WWOX: variants seen among roughly 807,000 people sequenced by gnomAD.
The protein encoded by WWOX is WW domain containing oxidoreductase, also known as WW domain-containing oxidoreductase.
A neutral mutation model predicts 46.2 loss-of-function variants in WWOX; 69 were observed. The ratio of observed to expected loss-of-function variants is 1.49; its 90% CI spans 1.23 to 1.82. WWOX has a LOEUF of 1.82. Ranked by LOEUF, WWOX falls within the 40% of genes most tolerant of loss-of-function variation. The pLI, the probability that WWOX is intolerant of heterozygous loss-of-function variation, is 0.00. For synonymous variants in WWOX, 359 were observed against 202.6 expected (o/e 1.77, Z -6.56); for missense variants, 919 against 542.6 (o/e 1.69, Z -6.89).
At chr16:78,782,772 T>A (rs999603140) in intron 8 of WWOX, among the ~76,000 whole-genome samples, 17 of 152,240 alleles carry the variant, frequency 1.1e-4, no homozygotes, top group Middle Eastern at 6.8e-3. Context: ...TCATATGCTG[T>A]ATTTTATAAA....
rs117043176 is a variant in WWOX, at chr16:78,882,338, G to C, written c.1057-329270G>C. 8.5e-3 allele frequency among the ~76,000 whole-genome samples: 1,301 copies of C among 152,208 alleles called. 5 individuals carry two copies. The highest frequency in any genetic ancestry group is 0.013 in the Non-Finnish European group (891 of 68,010). ...TGGAAAACAGGTTCAGAGAAGTTAAGCGACTTGCCCAAAATAGCACAGCAA... is the reference window on the plus strand; with the variant it reads ...TGGAAAACAGGTTCAGAGAAGTTAACCGACTTGCCCAAAATAGCACAGCAA... On this transcript the variant is annotated intron_variant, in intron 8 of 8. Coordinates refer to ENST00000566780, the MANE Select transcript of WWOX (RefSeq NM_016373.4).
At chr16:78,286,089 T>A (rs949213047) in intron 5 of WWOX, among the ~76,000 whole-genome samples, 5 of 152,206 alleles carry the variant, frequency 3.3e-5, no homozygotes, top group Admixed American at 3.3e-4. Context: ...CTTATTCATT[T>A]AAAAAAATCT....
At chr16:78,248,975 G>A (rs145117534) in intron 5 of WWOX, among the ~76,000 whole-genome samples, 2 of 147,230 alleles carry the variant, frequency 1.4e-5, no homozygotes, top group Admixed American at 1.4e-4. Context: ...TCCTGCCTCA[G>A]CCTCCGGAGC....
At chr16:78,777,309 G>A (rs1378391379) in intron 8 of WWOX, among the ~76,000 whole-genome samples, 2 of 152,126 alleles carry the variant, frequency 1.3e-5, no homozygotes, top group Non-Finnish European at 2.9e-5. Flanking sequence ...AGAAAGGGAG[G>A]ACTTTCTGAT....
At chr16:78,525,212 G>C (rs1170263152) in intron 8 of WWOX, 1 of 129,562 alleles carries the variant, frequency 7.7e-6, no homozygotes, top group Non-Finnish European at 1.6e-5. Context: ...TTGAAATGGA[G>C]TCTTGCCCTG....
intron 5 of WWOX, among the ~76,000 whole-genome samples, chr16:78,200,758 T>A (rs1245669732): frequency 6.6e-6 from 1 of 152,024 alleles, no homozygotes; most frequent in Non-Finnish European, 1.5e-5. Flanking sequence ...CTTGGGCCCG[T>A]CCACTCGGTT....
chr16:79,211,323 C>G (rs966945754), intron 8 of WWOX, among the ~76,000 whole-genome samples: 1 of 152,146 alleles, frequency 6.6e-6, no homozygotes, highest in Non-Finnish European at 1.5e-5. Flanking sequence ...AGGCGCCTGC[C>G]ACGACGTATT....
chr16:78,973,419 C>T (rs922524485), intron 8 of WWOX, among the ~76,000 whole-genome samples: 5 of 152,206 alleles, frequency 3.3e-5, no homozygotes, highest in African/African-American at 9.7e-5. Context: ...GAGAACAGAG[C>T]TACTCAATAA....
rs62035676 is a variant in WWOX at position 78,286,297 on chromosome 16, C to T, written c.517-100563C>T. Among the ~76,000 whole-genome samples the T allele has an allele frequency of 5.5e-3, 844 of 152,300 alleles. 6 individuals are homozygous for T. The highest frequency in any genetic ancestry group is 0.028 in the South Asian group (133 of 4,824). On this transcript the variant is annotated intron_variant, in intron 5 of 8. Coordinates refer to ENST00000566780, the MANE Select transcript of WWOX (RefSeq NM_016373.4). ...CACATGCTGCTGTACCATATGGTTG[C>T]CCAGTGGGCGAAAAATTTGATTAAT...
chr16:78,899,149 A>G (rs960095592), intron 8 of WWOX: 3 of 152,166 alleles, frequency 2.0e-5, no homozygotes, highest in African/African-American at 7.2e-5. Flanking sequence ...TGAGACAGAC[A>G]TCATTGCTTT....
chr16:79,094,672 T>C (rs1484184748), intron 8 of WWOX, among the ~76,000 whole-genome samples: 1 of 152,114 alleles, frequency 6.6e-6, no homozygotes, highest in African/African-American at 2.4e-5. Context: ...TTCTAGAAGT[T>C]TTGGTATAAA....
intron 8 of WWOX, among the ~76,000 whole-genome samples, chr16:79,199,586 C>T (rs1321975922): frequency 6.6e-6 from 1 of 152,160 alleles, no homozygotes; most frequent in East Asian, 1.9e-4. Context: ...GTAGTAACTT[C>T]ATAGGGCTCT....
At chr16:78,179,739 C>T (rs1439412396) in intron 5 of WWOX, 4 of 152,228 alleles carry the variant, frequency 2.6e-5, no homozygotes, top group African/African-American at 7.2e-5. Context: ...AACAAACAGC[C>T]GAGAGATGAA....
At chr16:78,566,456 T>A (rs2044569973) in intron 8 of WWOX, among the ~76,000 whole-genome samples, 1 of 152,190 alleles carries the variant, frequency 6.6e-6, no homozygotes, top group Admixed American at 6.5e-5. Flanking sequence ...TTTGCTGCCT[T>A]GGGCCTGTGG....
intron 8 of WWOX, among the ~76,000 whole-genome samples, chr16:78,733,514 G>C (rs540214416): frequency 6.6e-6 from 1 of 151,456 alleles, no homozygotes; most frequent in African/African-American, 2.4e-5. Context: ...CTGGGAGGAC[G>C]AGGTGGGCGG....
At chr16:78,278,727 G>A (rs2079625402) in intron 5 of WWOX, 1 of 1,428,226 alleles carries the variant, frequency 7.0e-7, no homozygotes. Context: ...GTATTTCCTG[G>A]TCTTTTCATG....
chr16:78,536,486 C>G (rs1191086461), intron 8 of WWOX, among the ~76,000 whole-genome samples: 1 of 151,984 alleles, frequency 6.6e-6, no homozygotes, highest in African/African-American at 2.4e-5. Flanking sequence ...TGCTTTAGGT[C>G]CTCTCTGGAG....
intron 5 of WWOX, among the ~76,000 whole-genome samples, chr16:78,188,063 C>T (rs1470412352): frequency 6.6e-6 from 1 of 152,046 alleles, no homozygotes; most frequent in African/African-American, 2.4e-5. Flanking sequence ...CTTATTCAAT[C>T]GATTAAAAGG....
chr16:78,608,051 G>T (rs145028408), intron 8 of WWOX, among the ~76,000 whole-genome samples: 175 of 152,282 alleles, frequency 1.1e-3, no homozygotes, highest in African/African-American at 3.9e-3. Context: ...TTAGATTTCA[G>T]TGATATTGAA....
Sources: allele counts gnomAD v4.1 joint callset (sites outside exome capture counted in the v4.1 genomes callset), GRCh38; gene constraint gnomAD v4.1.1; transcripts MANE v1.5; gene names NCBI Gene and HGNC (gene_info 2026-07-23, HGNC 2026-07-21).